The following PRLR variants were observed in gnomAD, a reference collection of about 807,000 sequenced individuals.
PRLR encodes hPRL receptor.
A neutral mutation model predicts 40.2 loss-of-function variants in PRLR; 13 were observed. That is an observed-to-expected ratio of 0.32 (90% CI 0.21 to 0.51). The LOEUF (loss-of-function observed/expected upper bound fraction) is 0.51, where lower values mean the gene tolerates loss of function less well. Ranked by LOEUF, PRLR falls within the 20% of genes least tolerant of loss-of-function variation. The probability of loss-of-function intolerance (pLI) is 0.97; values close to 1 mark genes in which losing one functional copy is unlikely to be tolerated. For synonymous variants in PRLR, 269 were observed against 278.7 expected, an observed-to-expected ratio of 0.97 and a Z score of 0.35; for missense variants, 656 against 747.3, an observed-to-expected ratio of 0.88 and a Z score of 1.42.
At chr5:35,051,388 T>C (rs1274124037), downstream of PRLR, among the ~76,000 whole-genome samples, 2 of 152,268 alleles carry the variant, frequency 1.3e-5, no homozygotes, top group Admixed American at 6.5e-5. Context: ...TGGTAAAATG[T>C]ATGGCAAAAT....
At chr5:35,066,335 T>C (rs1439547091) in intron 9 of PRLR, among the ~76,000 whole-genome samples, 1 of 152,148 alleles carries the variant, frequency 6.6e-6, no homozygotes, top group Non-Finnish European at 1.5e-5. Flanking sequence ...ATAATAATCA[T>C]GAGTTTAATG....
chr5:35,155,754 A>T (rs1774476647), intron 1 of PRLR, among the ~76,000 whole-genome samples: 1 of 152,228 alleles, frequency 6.6e-6, no homozygotes, highest in Non-Finnish European at 1.5e-5. Context: ...GGCTTATTCC[A>T]TTGCAACATG....
intron 1 of PRLR, among the ~76,000 whole-genome samples, chr5:35,180,788 A>G (rs538627494): frequency 6.6e-6 from 1 of 151,944 alleles, no homozygotes; most frequent in Non-Finnish European, 1.5e-5. Context: ...CCCTGTGTCC[A>G]AGTGTTCTCA....
At chr5:35,067,976 T>C (rs1319407428) in intron 9 of PRLR, among the ~76,000 whole-genome samples, 2 of 152,210 alleles carry the variant, frequency 1.3e-5, no homozygotes, top group Non-Finnish European at 2.9e-5. Flanking sequence ...GATAAATCAA[T>C]AAATGTGTTT....
At chr5:35,181,452 G>A (rs1485795107) in intron 1 of PRLR, among the ~76,000 whole-genome samples, 1 of 152,162 alleles carries the variant, frequency 6.6e-6, no homozygotes, top group Admixed American at 6.5e-5. Flanking sequence ...ATTATATCAT[G>A]TGTCCATTAA....
intron 5 of PRLR, among the ~76,000 whole-genome samples, chr5:35,080,064 A>G (rs1285551479): frequency 6.6e-6 from 1 of 152,244 alleles, no homozygotes; most frequent in East Asian, 1.9e-4. Flanking sequence ...CTTAAATGTT[A>G]GACCTAAAAC....
intron 5 of PRLR, among the ~76,000 whole-genome samples, chr5:35,079,056 C>T (rs1026496501): frequency 1.2e-4 from 19 of 152,200 alleles, no homozygotes; most frequent in Non-Finnish European, 2.4e-4. Context: ...TGGGATGTAT[C>T]TCAAAATAAT....
At chr5:35,183,783 C>T (rs1319814721) in intron 1 of PRLR, among the ~76,000 whole-genome samples, 1 of 152,204 alleles carries the variant, frequency 6.6e-6, no homozygotes, top group Non-Finnish European at 1.5e-5. Flanking sequence ...AAAAAGCCCA[C>T]AACTGAGTGG....
At chr5:35,115,926 TC>T (rs1230879736) in intron 2 of PRLR, among the ~76,000 whole-genome samples, 1 of 151,872 alleles carries the variant, frequency 6.6e-6, no homozygotes, top group Non-Finnish European at 1.5e-5. Flanking sequence ...TTAAGGAGGG[TC>T]CCCCCCTCTG....
At chr5:35,118,591 T>G (rs1773155592) in intron 1 of PRLR, among the ~76,000 whole-genome samples, 1 of 152,206 alleles carries the variant, frequency 6.6e-6, no homozygotes, top group African/African-American at 2.4e-5. Context: ...CTATAGAGCT[T>G]ACTCAAATTT....
rs1449409508 is a variant in PRLR at position 35,205,456 on chromosome 5, C to A, written c.-106+24812G>T. On this transcript the variant is annotated intron_variant, in intron 1 of 9. Transcript: ENST00000618457. ...GGCTTCTTCAAAGAAAGTAAGTAGA[C>A]AGTTCATTCTTTGCCTAAAAACTGT... Among the ~76,000 whole-genome samples the A allele has an allele frequency of 2.0e-5, 3 of 152,184 alleles. No individual in the cohort carries two copies. The East Asian group carries it at 5.8e-4, about 29-fold the overall frequency.
At chr5:35,132,601 T>G (rs540512251) in intron 1 of PRLR, among the ~76,000 whole-genome samples, 1 of 152,372 alleles carries the variant, frequency 6.6e-6, no homozygotes, top group South Asian at 2.1e-4. Flanking sequence ...TTAGTCCTAT[T>G]CAAAATAGGA....
chr5:35,089,317 T>C (rs1771058535), intron 3 of PRLR, among the ~76,000 whole-genome samples: 1 of 152,188 alleles, frequency 6.6e-6, no homozygotes, highest in Admixed American at 6.5e-5. Context: ...AGCTGTTTCA[T>C]TACACTCCTG....
intron 8 of PRLR, among the ~76,000 whole-genome samples, chr5:35,050,635 C>T (rs908911762): frequency 6.6e-6 from 1 of 152,060 alleles, no homozygotes; most frequent in African/African-American, 2.4e-5. Context: ...TAGTAATTAT[C>T]GGGGAGGATT....
intron 2 of PRLR, among the ~76,000 whole-genome samples, chr5:35,109,920 A>G (rs1772541171): frequency 6.6e-6 from 1 of 152,216 alleles, no homozygotes; most frequent in African/African-American, 2.4e-5. Context: ...ATGCACACAT[A>G]TGTTTATTGC....
Position 35,049,441 on chromosome 5 carries a change from A to G in PRLR, c.1010-33T>C, listed in dbSNP as rs1446332538. ...GGGGAAGAAAAACAGTACATTCTGA[A>G]TAACTTCTAGAGGGAAAGTGGGAGG... On this transcript the variant is annotated intron_variant, in intron 8 of 8. Coordinates refer to the PRLR transcript ENST00000231423. 4 of 702,176 alleles carry G rather than the reference A, an allele frequency of 5.7e-6. No individual in the cohort carries two copies. In the East Asian group the frequency reaches 1.1e-4, roughly 19 times the overall value. 43.5% of individuals were successfully genotyped at this position (702,176 alleles called of 1,614,324 possible).
At chr5:35,153,670 G>A (rs879729974) in intron 1 of PRLR, among the ~76,000 whole-genome samples, 4 of 148,862 alleles carry the variant, frequency 2.7e-5, no homozygotes, top group East Asian at 2.0e-4. Context: ...TCTGAGTGTC[G>A]TTTCCCATTT....
At position 35,207,614 on chromosome 5, in the gene PRLR, T is replaced by TTGTG. The variant is rs142502829; in HGVS notation, c.-106+22650_-106+22653dup. Among the ~76,000 whole-genome samples the TTGTG allele has an allele frequency of 5.9e-3, 871 of 146,918 alleles. 4 individuals are homozygous for TTGTG. Among genetic ancestry groups the TTGTG allele is most frequent in the African/African-American group, 9.0e-3 (360 of 40,098 alleles). ...TCCCAATCAAATTACCAATGGGAGA[T>TTGTG]TGTGTGTGTGTGTGTGTGTGTGTGT... On this transcript the variant is annotated intron_variant, in intron 1 of 9. Coordinates refer to ENST00000618457, the MANE Select transcript of PRLR (RefSeq NM_000949.7).
rs1391552352 is a variant in PRLR, at chr5:35,062,028, C to T, written c.*3061G>A. 1 of 152,074 alleles carries T rather than the reference C, an allele frequency of 6.6e-6. No individual in the cohort carries two copies. Among genetic ancestry groups the T allele is most frequent in the Non-Finnish European group, 1.5e-5 (1 of 68,022 alleles). The allele number at this position is 152,074 out of a possible 1,614,324, so 9.4% of individuals were successfully genotyped here. A position where few individuals can be genotyped will look rare whatever the true frequency, so the allele number is the denominator to read the frequency against. On this transcript the variant is annotated 3_prime_UTR_variant, in exon 10 of 10. Transcript: ENST00000618457. ...ATGCCTCTTTCTACACATATATTTG[C>T]ACATAATCTTAGAATATGATTCTGT... is the stretch of plus-strand genomic sequence containing the variant.
Sources: gnomAD v4.1 joint callset for allele counts (sites outside exome capture counted in the v4.1 genomes callset) on GRCh38, gnomAD v4.1.1 for gene constraint, MANE v1.5 for transcripts, NCBI Gene and HGNC (gene_info 2026-07-23, HGNC 2026-07-21) for gene names.